Variants in CABIN1 observed in about 807,000 individuals in gnomAD.
The protein encoded by CABIN1 is calcineurin-binding protein cabin-1.
Under a neutral mutation model 227.7 loss-of-function variants are expected in CABIN1, and 133 were observed. That is an observed-to-expected ratio of 0.58 (90% CI 0.51 to 0.67). The LOEUF (loss-of-function observed/expected upper bound fraction) is 0.67. Ranked by LOEUF, CABIN1 falls within the 30% of genes least tolerant of loss-of-function variation. The pLI is 0.00. For missense variants in CABIN1, 2,408 were observed against 2,852.5 expected (o/e 0.84, Z 3.55); for synonymous variants, 1,086 against 1,155.1 (o/e 0.94, Z 1.21).
chr22:24,165,670 G>A lies in CABIN1; in HGVS notation c.5007+44G>A, dbSNP rs779717232. ...CCTCTCCTCCACGGCCCATGAACAC[G>A]CTTCCAAGCCCTTCCCAGGTGGTGG... On this transcript the variant is annotated intron_variant, in intron 31 of 36. Transcript: ENST00000263119. 18 of 1,524,968 alleles carry A rather than the reference G, an allele frequency of 1.2e-5. No homozygotes were observed. The African/African-American group carries it at 1.2e-4, about 10-fold the overall frequency. 94.5% of individuals were successfully genotyped at this position (1,524,968 alleles called of 1,614,324 possible). A position where few individuals can be genotyped will look rare whatever the true frequency, so the allele number is the denominator to read the frequency against.
intron 35 of CABIN1, among the ~76,000 whole-genome samples, chr22:24,176,733 C>T (rs1231491517): frequency 6.6e-6 from 1 of 152,188 alleles, no homozygotes; most frequent in Non-Finnish European, 1.5e-5. Flanking sequence ...TCGACAGCCA[C>T]GTCAGATTCT....
Position 24,087,439 on chromosome 22 carries a change from G to C in CABIN1, c.3264-13G>C, listed in dbSNP as rs1200029267. On this transcript the variant is annotated splice_polypyrimidine_tract_variant and intron_variant, in intron 22 of 36. Transcript: ENST00000263119. ...AGTGTTGTTTTTAGCTGGTGCTTTT[G>C]TTACCACCACAGGTTTGATTCCTGG... 3.7e-6 allele frequency: 6 copies of C among 1,613,134 alleles called. No homozygotes were observed. Among genetic ancestry groups the C allele is most frequent in the Non-Finnish European group, 5.1e-6 (6 of 1,180,014 alleles).
intron 19 of CABIN1, 140 bp from the exon 20 acceptor site, chr22:24,083,088 A>G: frequency 1.2e-6 from 1 of 812,900 alleles, no homozygotes; most frequent in Non-Finnish European, 2.0e-6. Context: ...TTTTGGAATC[A>G]AGTCATGCAG....
chr22:24,169,562 GAC>G (rs1421528205), intron 33 of CABIN1, among the ~76,000 whole-genome samples: 2 of 152,200 alleles, frequency 1.3e-5, no homozygotes, highest in Non-Finnish European at 2.9e-5. Flanking sequence ...CAGAGTCCTT[GAC>G]AGGGAGTGCC....
intron 12 of CABIN1, among the ~76,000 whole-genome samples, chr22:24,060,686 A>G (rs2000471): frequency 0.19 from 28,435 of 151,928 alleles, 2,983 homozygotes; most frequent in Admixed American, 0.29. Flanking sequence ...GTCACGGCTC[A>G]CTGCAGCTTC....
At chr22:24,098,326 G>A (rs1390938125) in intron 26 of CABIN1, 134 bp downstream of exon 26, 13 of 1,536,690 alleles carry the variant, frequency 8.5e-6, no homozygotes, top group South Asian at 3.5e-5. Flanking sequence ...GCAATGTTGC[G>A]GCTGCTCATT....
At chr22:24,092,687 A>AGTGTGTGTGTGTGTGTGTGTGTGT (rs3221282) in intron 24 of CABIN1, among the ~76,000 whole-genome samples, 2 of 138,714 alleles carry the variant, frequency 1.4e-5, no homozygotes, top group Non-Finnish European at 3.1e-5. Flanking sequence ...TGATTATAAA[A>AGTGTGTGTGTGTGTGTGTGTGTGT]GTGTGTGTGT....
intron 26 of CABIN1, among the ~76,000 whole-genome samples, chr22:24,108,528 CAG>C (rs895100517): frequency 4.6e-5 from 7 of 152,308 alleles, no homozygotes; most frequent in African/African-American, 1.7e-4. Context: ...CTCCTCCACT[CAG>C]GGGTCTTATA....
chr22:24,068,860 A>G (rs2039882152), intron 16 of CABIN1, among the ~76,000 whole-genome samples: 1 of 152,124 alleles, frequency 6.6e-6, no homozygotes, highest in South Asian at 2.1e-4. Context: ...GTGGAGAAAT[A>G]TTCATCCATT....
intron 19 of CABIN1, among the ~76,000 whole-genome samples, chr22:24,082,370 A>T (rs1307142203): frequency 6.6e-6 from 1 of 152,174 alleles, no homozygotes; most frequent in Non-Finnish European, 1.5e-5. Context: ...AATTACAGGC[A>T]TGAACTGCTG....
intron 1 of CABIN1, among the ~76,000 whole-genome samples, chr22:24,021,271 C>T (rs1158747867): frequency 6.6e-6 from 1 of 151,940 alleles, no homozygotes; most frequent in East Asian, 1.9e-4. Flanking sequence ...CCTCCAACCC[C>T]AGCCTCCCAA....
Position 24,064,125 on chromosome 22 carries a change from C to G in CABIN1, c.1975C>G (p.Arg659Gly). ...CATCCAGGTGGAGGCAGGGGCTGAA[C>G]GAAGAGACATTGTCATCCGGCTGCC... ...TAIQVEAGAE[R>G]RDIVIRLPNL... The change falls in exon 15 of 37, where the codon CGA becomes GGA. Residue 659 changes from arginine to glycine, a missense_variant. Physicochemically the swap from Arg to Gly is moderately radical, Grantham distance 125. Coordinates refer to ENST00000263119, the MANE Select transcript of CABIN1 (RefSeq NM_012295.4). The G allele has an allele frequency of 6.2e-7, 1 of 1,614,164 alleles. No individual in the cohort carries two copies. Among genetic ancestry groups the G allele is most frequent in the South Asian group, 1.1e-5 (1 of 91,080 alleles).
At chr22:24,117,967 G>A (rs2147882653) in intron 27 of CABIN1, among the ~76,000 whole-genome samples, 1 of 152,334 alleles carries the variant, frequency 6.6e-6, no homozygotes, top group East Asian at 1.9e-4. Flanking sequence ...CCTAAGCTGT[G>A]GGACGCAGGC....
At chr22:24,102,698 G>A (rs2042276750) in intron 26 of CABIN1, among the ~76,000 whole-genome samples, 1 of 152,170 alleles carries the variant, frequency 6.6e-6, no homozygotes, top group Non-Finnish European at 1.5e-5. Context: ...TTTCTCTTGA[G>A]GGGTTGGGGA....
At chr22:24,157,756 G>C (rs1398902939) in intron 29 of CABIN1, among the ~76,000 whole-genome samples, 1 of 152,156 alleles carries the variant, frequency 6.6e-6, no homozygotes, top group Non-Finnish European at 1.5e-5. Flanking sequence ...CCCCACAGCT[G>C]CTCCTGACCT....
intron 33 of CABIN1, among the ~76,000 whole-genome samples, chr22:24,170,844 C>G (rs1474073849): frequency 1.3e-5 from 2 of 150,398 alleles, no homozygotes; most frequent in African/African-American, 4.9e-5. Flanking sequence ...TGCTGTCAGC[C>G]TCATGTGGGC....
At chr22:24,094,702 A>G (rs4532057) in intron 24 of CABIN1, among the ~76,000 whole-genome samples, 12,735 of 150,822 alleles carry the variant, frequency 0.084, 654 homozygotes, top group East Asian at 0.3. Context: ...CTGTAGTCCC[A>G]GCTACTCGGG....
rs1303179019 is a variant in CABIN1, at chr22:24,065,654, G to T, written c.2038-1333G>T. Among the ~76,000 whole-genome samples, 11 of 152,356 alleles carry T rather than the reference G, an allele frequency of 7.2e-5. No individual in the cohort carries two copies. The East Asian group carries it at 2.1e-3, about 29-fold the overall frequency. On this transcript the variant is annotated intron_variant, in intron 15 of 36. Coordinates refer to ENST00000263119, the MANE Select transcript of CABIN1 (RefSeq NM_012295.4). ...GCACTTTGGGAGGCCAAGGCAGGCGGCTGGGAGGTGGAGGTTGTAGCAAGC... is the reference window on the plus strand; with the variant it reads ...GCACTTTGGGAGGCCAAGGCAGGCGTCTGGGAGGTGGAGGTTGTAGCAAGC...
At chr22:24,146,910 G>A (rs988303706) in intron 29 of CABIN1, among the ~76,000 whole-genome samples, 1 of 152,236 alleles carries the variant, frequency 6.6e-6, no homozygotes, top group Non-Finnish European at 1.5e-5. Context: ...GCGCACTCAT[G>A]ACTTGCCTAA....
Sources: gnomAD v4.1 joint callset for allele counts (sites outside exome capture counted in the v4.1 genomes callset) on GRCh38, gnomAD v4.1.1 for gene constraint, MANE v1.5 for transcripts, NCBI Gene and HGNC (gene_info 2026-07-23, HGNC 2026-07-21) for gene names.